Variants in NAALADL2 observed in about 807,000 individuals in gnomAD.
The protein encoded by NAALADL2 is N-acetylated alpha-linked acidic dipeptidase like 2, also known as inactive N-acetylated-alpha-linked acidic dipeptidase-like protein 2.
Under a neutral mutation model 87.2 loss-of-function variants are expected in NAALADL2, and 76 were observed. The ratio of observed to expected loss-of-function variants is 0.87; its 90% CI spans 0.72 to 1.05. NAALADL2 has a LOEUF of 1.05. Ranked by LOEUF, NAALADL2 falls within the 50% of genes least tolerant of loss-of-function variation. The pLI, the probability that NAALADL2 is intolerant of heterozygous loss-of-function variation, is 0.00. For synonymous variants in NAALADL2, 354 were observed against 331.0 expected (o/e 1.07, Z -0.75); for missense variants, 1,089 against 945.8 (o/e 1.15, Z -1.99).
At chr3:174,978,812 T>A (rs1258223575) in intron 1 of NAALADL2, among the ~76,000 whole-genome samples, 1 of 152,160 alleles carries the variant, frequency 6.6e-6, no homozygotes, top group Non-Finnish European at 1.5e-5. Flanking sequence ...CCAAGAGAAT[T>A]AAGAAGAGCC....
At chr3:175,599,199 AG>A (rs1722634959) in intron 10 of NAALADL2, among the ~76,000 whole-genome samples, 1 of 152,128 alleles carries the variant, frequency 6.6e-6, no homozygotes, top group South Asian at 2.1e-4. Flanking sequence ...ACAATTATGA[AG>A]AATTTTATTG....
At chr3:175,034,196 C>CT (rs1415381278) in intron 1 of NAALADL2, among the ~76,000 whole-genome samples, 1 of 152,120 alleles carries the variant, frequency 6.6e-6, no homozygotes, top group Non-Finnish European at 1.5e-5. Flanking sequence ...ATAAGCCCTC[C>CT]TTGGCTATTG....
intron 5 of NAALADL2, among the ~76,000 whole-genome samples, chr3:175,398,025 C>T (rs866666596): frequency 7.2e-5 from 11 of 151,876 alleles, no homozygotes; most frequent in African/African-American, 1.7e-4. Context: ...GTATTGTGCC[C>T]CCAAAACAAA....
At position 174,746,343 on chromosome 3, in the gene NAALADL2, G is replaced by A. The variant is rs1020003948; in HGVS notation, c.-9+8597G>A. On this transcript the variant is annotated intron_variant, in intron 3 of 3. Transcript: ENST00000434257. ...CTCCCATTCACAACTGCTACAAAGA[G>A]AATAAAATACCTAGGAATATGGCTA... 2.6e-5 allele frequency among the ~76,000 whole-genome samples: 4 copies of A among 152,146 alleles called. No homozygotes were observed. In the South Asian group the frequency reaches 8.3e-4, roughly 32 times the overall value.
intron 12 of NAALADL2, among the ~76,000 whole-genome samples, chr3:175,741,579 A>T (rs1322642303): frequency 1.3e-5 from 2 of 152,046 alleles, no homozygotes; most frequent in African/African-American, 4.8e-5. Context: ...AAAACATAAA[A>T]TAGCTGTTTT....
chr3:175,112,809 C>T (rs535342436), intron 2 of NAALADL2, among the ~76,000 whole-genome samples: 3 of 151,624 alleles, frequency 2.0e-5, no homozygotes, highest in African/African-American at 7.2e-5. Flanking sequence ...GTAATATAGG[C>T]ATAATGACAT....
At chr3:174,993,476 T>G (rs959886897) in intron 1 of NAALADL2, among the ~76,000 whole-genome samples, 25 of 151,974 alleles carry the variant, frequency 1.6e-4, no homozygotes, top group African/African-American at 5.8e-4. Flanking sequence ...AAAATTGTAA[T>G]TAAAATAAAT....
At chr3:175,787,012 G>T (rs1399178955) in intron 13 of NAALADL2, among the ~76,000 whole-genome samples, 1 of 151,964 alleles carries the variant, frequency 6.6e-6, no homozygotes, top group African/African-American at 2.4e-5. Flanking sequence ...GTGCCTCCCA[G>T]TTAGGCTGCT....
At chr3:174,553,781 TAG>T (rs1340519419) in intron 2 of NAALADL2, among the ~76,000 whole-genome samples, 3 of 152,198 alleles carry the variant, frequency 2.0e-5, no homozygotes, top group Non-Finnish European at 4.4e-5. Context: ...GGTTTGGAGT[TAG>T]AGTCGTTTTC....
chr3:174,776,487 T>C (rs546679660), intron 3 of NAALADL2, among the ~76,000 whole-genome samples: 1 of 152,250 alleles, frequency 6.6e-6, no homozygotes, highest in South Asian at 2.1e-4. Flanking sequence ...AGCCATATAC[T>C]CTATCGAGTC....
At chr3:174,693,684 TG>T (rs1211353212) in intron 2 of NAALADL2, among the ~76,000 whole-genome samples, 1 of 152,086 alleles carries the variant, frequency 6.6e-6, no homozygotes, top group African/African-American at 2.4e-5. Context: ...AGTAATATGT[TG>T]GGGAGAGGAA....
chr3:175,588,282 G>T (rs916529529), intron 10 of NAALADL2, among the ~76,000 whole-genome samples: 2 of 152,038 alleles, frequency 1.3e-5, no homozygotes, highest in African/African-American at 4.8e-5. Context: ...ATCTCAATTG[G>T]GTTTTGGTCT....
chr3:175,735,691 G>A (rs1744402706), intron 11 of NAALADL2, among the ~76,000 whole-genome samples: 1 of 152,044 alleles, frequency 6.6e-6, no homozygotes, highest in African/African-American at 2.4e-5. Context: ...AACAGCATGG[G>A]AAAGACATGC....
At chr3:175,050,185 C>T (rs759097701) in intron 1 of NAALADL2, among the ~76,000 whole-genome samples, 1 of 152,276 alleles carries the variant, frequency 6.6e-6, no homozygotes, top group Non-Finnish European at 1.5e-5. Flanking sequence ...CCGGGATAGG[C>T]TCTGGCAACC....
intron 2 of NAALADL2, among the ~76,000 whole-genome samples, chr3:174,671,208 A>G (rs1726499496): frequency 6.6e-6 from 1 of 151,912 alleles, no homozygotes; most frequent in African/African-American, 2.4e-5. Flanking sequence ...AGACTAATAC[A>G]CTCAACCACA....
intron 13 of NAALADL2, among the ~76,000 whole-genome samples, chr3:175,799,289 T>G (rs960505345): frequency 2.0e-5 from 3 of 152,132 alleles, no homozygotes; most frequent in African/African-American, 7.2e-5. Flanking sequence ...AGTTTATTCT[T>G]TTAGTAAAGC....
At chr3:174,494,465 G>T (rs1430127580) in intron 1 of NAALADL2, among the ~76,000 whole-genome samples, 1 of 148,552 alleles carries the variant, frequency 6.7e-6, no homozygotes, top group Non-Finnish European at 1.5e-5. Context: ...CACACACCGG[G>T]GCCTGTCCTG....
At position 175,690,396 on chromosome 3, in the gene NAALADL2, A is replaced by G. The variant is rs546370497; in HGVS notation, c.1897-46910A>G. ...TGTAGTACAGCCACATGATGATACT[A>G]TCATAAGGCAAACATGAGAAAAATC... On this transcript the variant is annotated intron_variant, in intron 11 of 13. Coordinates refer to ENST00000454872, the MANE Select transcript of NAALADL2 (RefSeq NM_207015.3). Among the ~76,000 whole-genome samples, 8 of 152,232 alleles carry G rather than the reference A, an allele frequency of 5.3e-5. No individual in the cohort carries two copies. The East Asian group carries it at 1.3e-3, about 26-fold the overall frequency.
intron 5 of NAALADL2, among the ~76,000 whole-genome samples, chr3:175,410,316 T>C (rs148420893): frequency 2.0e-5 from 3 of 152,310 alleles, no homozygotes; most frequent in African/African-American, 7.2e-5. Flanking sequence ...GAAACATTTC[T>C]TAAAAGTTGT....
Sources: allele counts gnomAD v4.1 joint callset (sites outside exome capture counted in the v4.1 genomes callset), GRCh38; gene constraint gnomAD v4.1.1; transcripts MANE v1.5; gene names NCBI Gene and HGNC (gene_info 2026-07-23, HGNC 2026-07-21).